C1QTNF7: variants seen among roughly 807,000 people sequenced by gnomAD.
C1QTNF7 encodes C1q and TNF related 7, also known as complement C1q tumor necrosis factor-related protein 7.
Under a neutral mutation model 19.6 loss-of-function variants are expected in C1QTNF7, and 15 were observed. The observed-to-expected ratio is 0.76, with a 90% confidence interval of 0.51 to 1.18. The LOEUF (loss-of-function observed/expected upper bound fraction) is 1.18. C1QTNF7 is among the 50% of genes most tolerant of loss of function. C1QTNF7 has a pLI of 0.00. For synonymous variants in C1QTNF7, 142 were observed against 137.5 expected (o/e 1.03, Z -0.23); for missense variants, 324 against 359.7 (o/e 0.90, Z 0.80).
chr4:15,376,113 T>G (rs1299342146), intron 1 of C1QTNF7, among the ~76,000 whole-genome samples: 1 of 152,224 alleles, frequency 6.6e-6, no homozygotes, highest in African/African-American at 2.4e-5. Context: ...CCTAATGTGC[T>G]GAAAGCAATA....
intron 1 of C1QTNF7, among the ~76,000 whole-genome samples, chr4:15,375,030 A>G (rs13139590): frequency 0.48 from 72,254 of 151,162 alleles, 18,804 homozygotes; most frequent in African/African-American, 0.69. Context: ...TTCCTTGCCA[A>G]TTATGCTCCT....
chr4:15,378,393 G>C (rs1322974368), intron 1 of C1QTNF7, among the ~76,000 whole-genome samples: 1 of 152,102 alleles, frequency 6.6e-6, no homozygotes, highest in African/African-American at 2.4e-5. Context: ...CTCTTTCTTA[G>C]TATCATATGC....
Position 15,438,732 on chromosome 4 carries a change from G to T in C1QTNF7, c.238+2751G>T, listed in dbSNP as rs113599440. Among the ~76,000 whole-genome samples, 128 of 152,286 alleles carry T rather than the reference G, an allele frequency of 8.4e-4. 1 individual carries two copies. The highest frequency in any genetic ancestry group is 3.0e-3 in the African/African-American group (126 of 41,570). On this transcript the variant is annotated intron_variant, in intron 2 of 2. Transcript: ENST00000444304. ...ATTCATTCCAGTTTATCATATGGAT[G>T]TAGGTATTCATGAACTTAACTTTGG...
chr4:15,364,190 G>T (rs187656871), intron 1 of C1QTNF7, among the ~76,000 whole-genome samples: 2 of 152,296 alleles, frequency 1.3e-5, no homozygotes, highest in East Asian at 3.9e-4. Flanking sequence ...ACTCTCTAGA[G>T]CTATAATGAC....
intron 2 of C1QTNF7, among the ~76,000 whole-genome samples, chr4:15,436,217 G>A (rs1712530775): frequency 6.6e-6 from 1 of 152,202 alleles, no homozygotes; most frequent in African/African-American, 2.4e-5. Context: ...TCTTATAGAT[G>A]AGAAAATTGA....
At chr4:15,354,519 G>T (rs367607052) in intron 1 of C1QTNF7, among the ~76,000 whole-genome samples, 1 of 151,990 alleles carries the variant, frequency 6.6e-6, no homozygotes, top group Non-Finnish European at 1.5e-5. Flanking sequence ...GAGGCTCTGC[G>T]TGTCATTTGA....
chr4:15,400,692 T>C (rs1718954985), intron 1 of C1QTNF7, among the ~76,000 whole-genome samples: 1 of 152,216 alleles, frequency 6.6e-6, no homozygotes, highest in East Asian at 1.9e-4. Context: ...TATTGGCTTT[T>C]CTTGCCCTGT....
At chr4:15,387,544 T>A (rs1005625712) in intron 1 of C1QTNF7, among the ~76,000 whole-genome samples, 4 of 152,094 alleles carry the variant, frequency 2.6e-5, no homozygotes, top group Non-Finnish European at 5.9e-5. Flanking sequence ...GAGACAGTGG[T>A]TTCTGAAGGA....
chr4:15,409,043 A>G (rs193003217), intron 1 of C1QTNF7, among the ~76,000 whole-genome samples: 1 of 152,346 alleles, frequency 6.6e-6, no homozygotes, highest in Admixed American at 6.5e-5. Flanking sequence ...CCAGTATCCC[A>G]GTTGACACCC....
chr4:15,375,700 G>A (rs555253683), intron 1 of C1QTNF7, among the ~76,000 whole-genome samples: 28 of 152,118 alleles, frequency 1.8e-4, no homozygotes, highest in Non-Finnish European at 3.7e-4. Flanking sequence ...CTCACACTCT[G>A]TCTTATCATC....
intron 1 of C1QTNF7, among the ~76,000 whole-genome samples, chr4:15,431,700 C>A (rs916473160): frequency 6.6e-6 from 1 of 152,114 alleles, no homozygotes; most frequent in Non-Finnish European, 1.5e-5. Context: ...AAAGCTCAAA[C>A]CTCCCCACAA....
chr4:15,367,753 A>G (rs1001348065), intron 1 of C1QTNF7, among the ~76,000 whole-genome samples: 1 of 152,182 alleles, frequency 6.6e-6, no homozygotes, highest in African/African-American at 2.4e-5. Flanking sequence ...TAATTAAGAT[A>G]ATGTCCAGAA....
At chr4:15,396,595 A>AG (rs1355704372) in intron 1 of C1QTNF7, among the ~76,000 whole-genome samples, 2 of 152,154 alleles carry the variant, frequency 1.3e-5, no homozygotes, top group Non-Finnish European at 2.9e-5. Context: ...ATATGCATAA[A>AG]GCAGGGAGTA....
upstream of C1QTNF7, among the ~76,000 whole-genome samples, chr4:15,427,296 T>C (rs183150741): frequency 2.0e-3 from 302 of 152,318 alleles, 2 homozygotes; most frequent in Non-Finnish European, 3.4e-3. Flanking sequence ...ACATCATAAA[T>C]TATATATTGC....
intron 1 of C1QTNF7, among the ~76,000 whole-genome samples, chr4:15,345,507 C>A (rs572735026): frequency 1.3e-5 from 2 of 152,290 alleles, no homozygotes; most frequent in East Asian, 1.9e-4. Context: ...CCAGCATATA[C>A]TCTTGGGCTT....
chr4:15,378,845 G>C (rs2108889078), intron 1 of C1QTNF7, among the ~76,000 whole-genome samples: 1 of 152,340 alleles, frequency 6.6e-6, no homozygotes, highest in African/African-American at 2.4e-5. Flanking sequence ...TGGCACAGCA[G>C]ATCACTTGGG....
At chr4:15,381,768 G>C (rs754120802) in intron 1 of C1QTNF7, 1 of 152,158 alleles carries the variant, frequency 6.6e-6, no homozygotes, top group African/African-American at 2.4e-5. Context: ...TTCAGCAAGT[G>C]CATAATGGAA....
At chr4:15,429,343 C>A (rs1461433552) in intron 1 of C1QTNF7, among the ~76,000 whole-genome samples, 1 of 152,190 alleles carries the variant, frequency 6.6e-6, no homozygotes, top group African/African-American at 2.4e-5. Context: ...ACTTCTTCGT[C>A]TTCCCAAACT....
At chr4:15,361,366 C>T (rs1261615535) in intron 1 of C1QTNF7, 1 of 152,048 alleles carries the variant, frequency 6.6e-6, no homozygotes, top group East Asian at 1.9e-4. Flanking sequence ...ACTCTGAAGG[C>T]CATACTGTCT....
Sources: allele counts gnomAD v4.1 joint callset (sites outside exome capture counted in the v4.1 genomes callset), GRCh38; gene constraint gnomAD v4.1.1; transcripts MANE v1.5; gene names NCBI Gene and HGNC (gene_info 2026-07-23, HGNC 2026-07-21).